Variants in SPAG5 observed in about 807,000 individuals in gnomAD.
SPAG5 encodes the protein sperm-associated antigen 5.
A neutral mutation model predicts 145.4 loss-of-function variants in SPAG5; 99 were observed. The ratio of observed to expected loss-of-function variants is 0.68; its 90% confidence interval spans 0.58 to 0.80. SPAG5 has a LOEUF of 0.80. Among genes scored for constraint, SPAG5 ranks in the 30% least tolerant of loss-of-function variants. SPAG5 has a pLI of 0.00. For missense variants in SPAG5, 1,192 were observed against 1,416.0 expected (o/e 0.84, Z 2.54); for synonymous variants, 477 against 525.4 (o/e 0.91, Z 1.26).
chr17:28,593,214 TAG>T, intron 2 of SPAG5, 148 bp from the exon 3 acceptor site: 2 of 1,058,794 alleles, frequency 1.9e-6, no homozygotes, highest in Middle Eastern at 2.3e-4. Context: ...GTTGCTCATA[TAG>T]AGACCCAATA....
At position 28,597,536 on chromosome 17, in the gene SPAG5, G is replaced by T. The variant is rs115899957; in HGVS notation, c.177+974C>A. Among the ~76,000 whole-genome samples the T allele has an allele frequency of 6.4e-3, 974 of 152,296 alleles. 13 individuals carry two copies. Among genetic ancestry groups the T allele is most frequent in the African/African-American group, 0.022 (934 of 41,562 alleles). On this transcript the variant is annotated intron_variant, in intron 2 of 23. Coordinates refer to ENST00000321765, the MANE Select transcript of SPAG5 (RefSeq NM_006461.4). Reference sequence around the variant, plus strand: ...ATTATCAAATATTTCCCTCATCCCAGAAAGTTCTATTGGACAGTAGGTATT... The same window carrying T: ...ATTATCAAATATTTCCCTCATCCCATAAAGTTCTATTGGACAGTAGGTATT...
chr17:28,596,794 G>A (rs2070668112), intron 2 of SPAG5, among the ~76,000 whole-genome samples: 1 of 152,108 alleles, frequency 6.6e-6, no homozygotes, highest in Non-Finnish European at 1.5e-5. Flanking sequence ...CTAGCCACAT[G>A]TAGCTATTGA....
chr17:28,581,553 T>A (rs2070549086), intron 15 of SPAG5, among the ~76,000 whole-genome samples: 1 of 151,058 alleles, frequency 6.6e-6, no homozygotes, highest in Non-Finnish European at 1.5e-5. Context: ...GCTTTTCCAA[T>A]CCCAAATCCT....
In SPAG5 at chr17:28,592,165, C is replaced by A; in HGVS notation, c.1079G>T (p.Arg360Leu). The change falls in exon 3 of 24, where the codon CGC becomes CTC. Residue 360 changes from arginine to leucine, a missense_variant. Arg to Leu is a moderately radical substitution (Grantham distance 102). Transcript: ENST00000321765. Reference sequence around the variant, plus strand: ...CATCGAGGGAAGGGATAAGCTTTGGCGGAGATTTTCCAGCATGACGGAGGT... The same window carrying A: ...CATCGAGGGAAGGGATAAGCTTTGGAGGAGATTTTCCAGCATGACGGAGGT... ...VNTSVMLENL[R>L]QSLSLPSMLR... is the part of the protein sequence containing the mutation. 6.2e-7 allele frequency: 1 copy of A among 1,614,094 alleles called. No homozygotes were observed. Among genetic ancestry groups the A allele is most frequent in the Non-Finnish European group, 8.5e-7 (1 of 1,180,014 alleles).
At chr17:28,583,763 AGTTCTCTTCTT>A (rs1419567642) in intron 14 of SPAG5, 79 bp downstream of exon 14, 45 of 1,547,028 alleles carry the variant, frequency 2.9e-5, no homozygotes, top group Non-Finnish European at 3.9e-5. Context: ...CAACACTCAC[AGTTCTCTTCTT>A]GGAGATTTTG....
At chr17:28,589,266 T>G (rs1324830430) in intron 4 of SPAG5, among the ~76,000 whole-genome samples, 1 of 151,558 alleles carries the variant, frequency 6.6e-6, no homozygotes, top group African/African-American at 2.4e-5. Flanking sequence ...ACCCAGCTAA[T>G]TTTTGTATTT....
In SPAG5 at chr17:28,593,458, T is replaced by C. The variant is rs117379141; in HGVS notation, c.178-392A>G. The stretch of plus-strand genomic sequence containing the variant: ...AGAATCTAGAGTTGGTACAAGTTCT[T>C]CTCCCTCTCGGCTGGGCGCAGTGGC... On this transcript the variant is annotated intron_variant, in intron 2 of 23. Transcript: ENST00000321765. Among the ~76,000 whole-genome samples, 160 of 152,168 alleles carry C rather than the reference T, an allele frequency of 1.1e-3. 1 individual carries two copies. The East Asian group carries it at 0.023, about 22-fold the overall frequency.
intron 1 of SPAG5, 91 bp from the exon 2 acceptor site, chr17:28,598,726 G>A (rs2070687352): frequency 6.5e-7 from 1 of 1,536,952 alleles, no homozygotes; most frequent in East Asian, 2.3e-5. Context: ...CCCAAAATGC[G>A]ATTAGAAGAG....
At chr17:28,581,514 C>A (rs555998562) in intron 15 of SPAG5, among the ~76,000 whole-genome samples, 3 of 151,334 alleles carry the variant, frequency 2.0e-5, no homozygotes, top group South Asian at 4.2e-4. Context: ...TCTGTTCTAT[C>A]CCTCTTCAGC....
chr17:28,593,527 A>G (rs2070639305), intron 2 of SPAG5, among the ~76,000 whole-genome samples: 1 of 152,106 alleles, frequency 6.6e-6, no homozygotes, highest in South Asian at 2.1e-4. Context: ...AAGCAGGTGG[A>G]TCGCTTGAGT....
chr17:28,584,392 C>G lies in SPAG5; in HGVS notation c.2250G>C (p.Leu750=). 6.2e-7 allele frequency: 1 copy of G among 1,614,182 alleles called. No homozygotes were observed. Among genetic ancestry groups the G allele is most frequent in the South Asian group, 1.1e-5 (1 of 91,086 alleles). The change falls in exon 12 of 24, where the codon CTG becomes CTC. Residue 750 remains leucine (L), a synonymous_variant. Coordinates refer to ENST00000321765, the MANE Select transcript of SPAG5 (RefSeq NM_006461.4). ...QSQHTHCAQD[L]AMKDELLCQL... ...GGCAGAGTAACTCATCCTTCATAGC[C>G]AGGTCCTGGGCACAATGGGTATGCT...
rs768183827 is a variant in SPAG5 at position 28,578,289 on chromosome 17, C to T, written c.3358G>A (p.Asp1120Asn). 5.0e-6 allele frequency: 8 copies of T among 1,614,000 alleles called. No individual in the cohort carries two copies. Among genetic ancestry groups the T allele is most frequent in the Non-Finnish European group, 5.1e-6 (6 of 1,180,016 alleles). ...QEKVWLSQEVDKLRVMFLEMK... is the reference protein window; with the variant it reads ...QEKVWLSQEVNKLRVMFLEMK... ...TCCAGGAACATCACTCTCAGTTTGT[C>T]CACCTAGAAATATGTCCAGATCAAC... The change falls in exon 22 of 24, where the codon GAC becomes AAC. Residue 1120 changes from aspartate (D) to asparagine (N), a missense_variant. Around this residue, in one of 5 missense-constraint regions of SPAG5, gnomAD observed 709 missense variants for 840.7 expected, o/e 0.84. Coordinates refer to ENST00000321765, the MANE Select transcript of SPAG5 (RefSeq NM_006461.4).
chr17:28,578,050 T>A lies in SPAG5; in HGVS notation c.3470A>T (p.Glu1157Val). 6.2e-7 allele frequency: 1 copy of A among 1,614,158 alleles called. No homozygotes were observed. The highest frequency in any genetic ancestry group is 8.5e-7 in the Non-Finnish European group (1 of 1,179,966). The change falls in exon 23 of 24, where the codon GAG (glutamate) becomes GTG (valine). Residue 1157 changes from glutamate (E) to valine (V), a missense_variant. Glu to Val is a moderately radical substitution (Grantham distance 121, BLOSUM62 -2). This residue lies in a region of SPAG5 where 709 missense variants were observed against 840.7 expected (regional missense o/e 0.84). Transcript: ENST00000321765. ...LEENLRRSDK[E>V]LEKLDDIVQH... is the part of the protein sequence containing the mutation. ...AACAATGTCATCTAGTTTTTCTAACTCCTTGTCAGAGCGCCGAAGGTTCTC... is the reference window on the plus strand; with the variant it reads ...AACAATGTCATCTAGTTTTTCTAACACCTTGTCAGAGCGCCGAAGGTTCTC...
At chr17:28,596,526 G>A (rs1408379101) in intron 2 of SPAG5, among the ~76,000 whole-genome samples, 1 of 151,694 alleles carries the variant, frequency 6.6e-6, no homozygotes, top group Non-Finnish European at 1.5e-5. Flanking sequence ...AAATTAGCCA[G>A]GCATGGTGGC....
chr17:28,587,471 G>A (rs569348172), intron 4 of SPAG5, among the ~76,000 whole-genome samples: 11 of 151,994 alleles, frequency 7.2e-5, no homozygotes, highest in Admixed American at 2.0e-4. Context: ...ACTTGAAACC[G>A]GGAGGCAAGG....
At chr17:28,589,703 G>A (rs565535344) in intron 4 of SPAG5, among the ~76,000 whole-genome samples, 4 of 152,096 alleles carry the variant, frequency 2.6e-5, no homozygotes, top group African/African-American at 7.2e-5. Context: ...TGAGCCCAGG[G>A]GTTTGAGAAC....
chr17:28,592,647 G>T lies in SPAG5; in HGVS notation c.597C>A (p.Ser199=), dbSNP rs763202639. 5.6e-6 allele frequency: 9 copies of T among 1,613,992 alleles called. No individual in the cohort carries two copies. The Admixed American group carries it at 1.5e-4, about 27-fold the overall frequency. ...TTGGTGGAGACTCCTCTAAGAGATG[G>T]GACGGAGATTCCTGAAAGATAGGTT... The part of the protein sequence containing the change: ...SEKPIFQESP[S]HLLEESPPNP... Residue 199 remains serine, a synonymous_variant, in exon 3 of 24, where the codon TCC becomes TCA. Coordinates refer to ENST00000321765, the MANE Select transcript of SPAG5 (RefSeq NM_006461.4).
chr17:28,592,700 A>G lies in SPAG5; in HGVS notation c.544T>C (p.Phe182Leu), dbSNP rs761137283. 1.2e-6 allele frequency: 2 copies of G among 1,614,138 alleles called. No individual in the cohort carries two copies. The highest frequency in any genetic ancestry group is 8.5e-7 in the Non-Finnish European group (1 of 1,180,026). ...EEVAPCMGDR[F>L]SEVAAVSEKP... is the part of the protein sequence containing the mutation. ...TCAGATACAGCAGCAACTTCTGAAA[A>G]CCTGTCTCCCATGCAGGGTGCCACC... The change falls in exon 3 of 24, where the codon TTT (phenylalanine) becomes CTT (leucine). Residue 182 changes from phenylalanine (F) to leucine (L), a missense_variant. Physicochemically the swap from Phe to Leu is conservative, Grantham distance 22 (BLOSUM62 0). Around this residue, in one of 5 missense-constraint regions of SPAG5, gnomAD observed 329 missense variants for 354.0 expected, o/e 0.93. Coordinates refer to ENST00000321765, the MANE Select transcript of SPAG5 (RefSeq NM_006461.4).
chr17:28,579,706 C>A (rs1168021276), intron 17 of SPAG5, 45 bp downstream of exon 17: 1 of 1,577,354 alleles, frequency 6.3e-7, no homozygotes, highest in African/African-American at 1.3e-5. Context: ...TCATCACCAC[C>A]AGATTTTCTA....
Sources: allele counts gnomAD v4.1 joint callset (sites outside exome capture counted in the v4.1 genomes callset), GRCh38; gene constraint gnomAD v4.1.1; regional missense constraint gnomAD v4.1.1; transcripts MANE v1.5; gene names NCBI Gene and HGNC (gene_info 2026-07-23, HGNC 2026-07-21).